CD109: variants seen among roughly 807,000 people sequenced by gnomAD.
CD109 encodes CD109 molecule.
In CD109, 149 loss-of-function variants were observed where a neutral mutation model predicts 165.8. The ratio of observed to expected loss-of-function variants is 0.90; its 90% CI spans 0.79 to 1.03. The LOEUF is 1.03. CD109 is among the 50% of genes least tolerant of loss of function. The probability of loss-of-function intolerance (pLI) is 0.00; values close to 1 mark genes in which losing one functional copy is unlikely to be tolerated. For synonymous variants in CD109, 585 were observed against 592.1 expected (o/e 0.99, Z 0.18); for missense variants, 1,712 against 1,677.8 (o/e 1.02, Z -0.36).
intron 6 of CD109, 49 bp from the exon 7 acceptor site, chr6:73,758,895 T>G: frequency 1.0e-6 from 1 of 964,512 alleles, no homozygotes; most frequent in Non-Finnish European, 1.7e-6. Flanking sequence ...TACCCTTGCT[T>G]CTTCGTCTCA....
chr6:73,818,343 G>T (rs1190238689), intron 30 of CD109, 45 bp from the exon 31 acceptor site: 1 of 1,606,700 alleles, frequency 6.2e-7, no homozygotes, highest in Non-Finnish European at 8.5e-7. Context: ...AACAGCTATG[G>T]GTTTTTCCTG....
chr6:73,741,122 A>G (rs142667661), intron 5 of CD109, among the ~76,000 whole-genome samples: 1 of 149,680 alleles, frequency 6.7e-6, no homozygotes, highest in East Asian at 2.0e-4. Flanking sequence ...TTACAATGCT[A>G]GTTTAATCAA....
chr6:73,695,640 C>A (rs1007037778), upstream of CD109: 1 of 152,352 alleles, frequency 6.6e-6, no homozygotes, highest in African/African-American at 2.4e-5. Flanking sequence ...TGTTTCCATT[C>A]ATATACATTA....
intron 5 of CD109, among the ~76,000 whole-genome samples, chr6:73,740,377 C>T (rs1349427055): frequency 6.6e-6 from 1 of 152,140 alleles, no homozygotes; most frequent in Admixed American, 6.5e-5. Flanking sequence ...TTAAGTAAAA[C>T]ATACTTGACG....
chr6:73,809,945 TG>T, intron 26 of CD109, 38 bp from the exon 27 acceptor site: 1 of 1,519,816 alleles, frequency 6.6e-7, no homozygotes, highest in Non-Finnish European at 8.9e-7. Context: ...GTAATTTTTC[TG>T]GATAATTGAT....
At chr6:73,687,298 A>G in the CD109 span, among the ~76,000 whole-genome samples, 10 of 152,110 alleles carry the variant, frequency 6.6e-5, no homozygotes, top group Non-Finnish European at 1.5e-4. Context: ...CCAAAAGTGA[A>G]TAACTAAAAA....
At chr6:73,768,778 G>GGTCACATTTCCTACATTTCCAA (rs1773938941) in intron 14 of CD109, among the ~76,000 whole-genome samples, 2 of 152,156 alleles carry the variant, frequency 1.3e-5, no homozygotes, top group Admixed American at 1.3e-4. Context: ...TGACCAGCTT[G>GGTCACATTTCCTACATTTCCAA]AGTAGGAAAT....
chr6:73,703,281 TC>T (rs1174437873), intron 2 of CD109, among the ~76,000 whole-genome samples: 3 of 152,268 alleles, frequency 2.0e-5, no homozygotes, highest in African/African-American at 7.2e-5. Flanking sequence ...AAAATCATTT[TC>T]ACATTTGCTT....
At chr6:73,760,769 T>C (rs147994659) in intron 7 of CD109, among the ~76,000 whole-genome samples, 97 of 152,224 alleles carry the variant, frequency 6.4e-4, no homozygotes, top group African/African-American at 2.1e-3. Flanking sequence ...TGATTGAACC[T>C]GGGAGGCAGA....
At chr6:73,775,185 G>GTATATATATATATGTATATATGTA (rs1774195340) in intron 15 of CD109, among the ~76,000 whole-genome samples, 1 of 150,474 alleles carries the variant, frequency 6.6e-6, no homozygotes, top group Non-Finnish European at 1.5e-5. Flanking sequence ...GAGGTTATGT[G>GTATATATATATATGTATATATGTA]TATATATATA....
At position 73,759,010 on chromosome 6, in the gene CD109, A is replaced by G. The variant is rs751957646; in HGVS notation, c.740A>G (p.Asn247Ser). 5 of 1,602,902 alleles carry G rather than the reference A, an allele frequency of 3.1e-6. No individual in the cohort carries two copies. Among genetic ancestry groups the G allele is most frequent in the South Asian group, 1.1e-5 (1 of 90,530 alleles). ...TGTTCTATGAATTCTAAGCATTTAA[A>G]TGGTACCATCACGGCAAAGTAAGTG... ...LYCSMNSKHL[N>S]GTITAKYTYG... Residue 247 changes from asparagine to serine, a missense_variant, in exon 7 of 33, where the codon AAT becomes AGT. By Grantham distance (46) the Asn-to-Ser change is conservative. Coordinates refer to ENST00000287097, the MANE Select transcript of CD109 (RefSeq NM_133493.5).
the CD109 span, among the ~76,000 whole-genome samples, chr6:73,680,494 C>T: frequency 1.3e-5 from 2 of 152,094 alleles, no homozygotes; most frequent in Non-Finnish European, 2.9e-5. Flanking sequence ...TTTGTGGGGG[C>T]AGACAGGATG....
rs1414161701 is a variant in CD109 at position 73,792,700 on chromosome 6, A to G, written c.2776A>G (p.Met926Val). 6.2e-7 allele frequency: 1 copy of G among 1,613,284 alleles called. No individual in the cohort carries two copies. Among genetic ancestry groups the G allele is most frequent in the Admixed American group, 1.7e-5 (1 of 60,024 alleles). ...RMPYGCGEQN[M>V]INFAPNIYIL... is the part of the protein sequence containing the mutation. ...GCCTTATGGCTGTGGTGAACAGAAC[A>G]TGATAAATTTTGCTCCAAATATTTA... Residue 926 changes from methionine (M) to valine (V), a missense_variant, in exon 23 of 33, where the codon ATG becomes GTG. Met to Val is a conservative substitution (Grantham distance 21, BLOSUM62 1). Coordinates refer to ENST00000287097, the MANE Select transcript of CD109 (RefSeq NM_133493.5).
At chr6:73,724,739 G>A (rs1407755367) in intron 3 of CD109, among the ~76,000 whole-genome samples, 4 of 150,494 alleles carry the variant, frequency 2.7e-5, no homozygotes, top group Non-Finnish European at 5.9e-5. Flanking sequence ...TCAGCCTCCC[G>A]ACTACTGGCA....
intron 3 of CD109, among the ~76,000 whole-genome samples, chr6:73,724,776 T>G (rs1772074790): frequency 1.3e-5 from 2 of 152,018 alleles, no homozygotes; most frequent in Admixed American, 1.3e-4. Context: ...GCTGATTTTT[T>G]ATTTTTTGTA....
chr6:73,776,716 C>T (rs1288580503), intron 15 of CD109, among the ~76,000 whole-genome samples: 2 of 151,794 alleles, frequency 1.3e-5, no homozygotes, highest in Non-Finnish European at 2.9e-5. Flanking sequence ...AGCCACCATA[C>T]CCAGCTGATT....
the CD109 span, among the ~76,000 whole-genome samples, chr6:73,680,493 G>T: frequency 6.6e-6 from 1 of 152,162 alleles, no homozygotes; most frequent in African/African-American, 2.4e-5. Context: ...TTTTGTGGGG[G>T]CAGACAGGAT....
chr6:73,727,672 A>C (rs148347844), intron 3 of CD109, among the ~76,000 whole-genome samples: 3 of 152,302 alleles, frequency 2.0e-5, no homozygotes, highest in Non-Finnish European at 4.4e-5. Context: ...CTGTGTCATT[A>C]ATTTGACATC....
In CD109 at chr6:73,696,235, T is replaced by G. The variant is rs778804944; in HGVS notation, c.20T>G (p.Leu7Arg). 126 of 1,544,444 alleles carry G rather than the reference T, an allele frequency of 8.2e-5. No homozygotes were observed. Among genetic ancestry groups the G allele is most frequent in the Non-Finnish European group, 1.1e-4 (123 of 1,149,590 alleles). The change falls in exon 1 of 33, where the codon CTG (leucine) becomes CGG (arginine). Residue 7 changes from leucine (L) to arginine (R), a missense_variant. Physicochemically the swap from Leu to Arg is moderately radical, Grantham distance 102. Transcript: ENST00000287097. ...GTCGAGATGCAGGGCCCACCGCTCC[T>G]GACCGCCGCCCACCTCCTCTGCGTG... MQGPPL[L>R]TAAHLLCVCT...
Sources: allele counts gnomAD v4.1 joint callset (sites outside exome capture counted in the v4.1 genomes callset), GRCh38; gene constraint gnomAD v4.1.1; transcripts MANE v1.5; gene names NCBI Gene and HGNC (gene_info 2026-07-23, HGNC 2026-07-21).